MAPRE2: variants seen among roughly 807,000 people sequenced by gnomAD.
The protein encoded by MAPRE2 is microtubule associated protein RP/EB family member 2.
A neutral mutation model predicts 43.2 loss-of-function variants in MAPRE2; 13 were observed. That is an observed-to-expected ratio of 0.30 (90% CI 0.20 to 0.48). MAPRE2 has a LOEUF of 0.48. MAPRE2 is among the 20% of genes least tolerant of loss of function. The pLI is 0.99. For missense variants in MAPRE2, 161 were observed against 400.2 expected (o/e 0.40, Z 5.10); for synonymous variants, 135 against 148.8 (o/e 0.91, Z 0.68).
chr18:35,067,131 C>T (rs997478551), intron 1 of MAPRE2, among the ~76,000 whole-genome samples: 3 of 152,206 alleles, frequency 2.0e-5, no homozygotes, highest in African/African-American at 7.2e-5. Context: ...GTGAGGACTA[C>T]AGCTGTGTTG....
chr18:35,024,244 A>G (rs367720560), intron 2 of MAPRE2, among the ~76,000 whole-genome samples: 28 of 152,264 alleles, frequency 1.8e-4, no homozygotes, highest in African/African-American at 6.5e-4. Flanking sequence ...TGGGATTTTT[A>G]GCAACTTTCA....
At chr18:35,112,667 C>T (rs1909231893) in intron 4 of MAPRE2, among the ~76,000 whole-genome samples, 1 of 152,226 alleles carries the variant, frequency 6.6e-6, no homozygotes, top group Non-Finnish European at 1.5e-5. Flanking sequence ...AGATCCCCTA[C>T]TCCCTGGAAG....
chr18:34,985,338 A>ATATTATATATTTT (rs1413375108), intron 1 of MAPRE2, among the ~76,000 whole-genome samples: 10 of 27,054 alleles, frequency 3.7e-4, no homozygotes, highest in Admixed American at 8.7e-4. Context: ...TATAATATAT[A>ATATTATATATTTT]ATATATTATA....
intron 2 of MAPRE2, among the ~76,000 whole-genome samples, chr18:35,007,656 T>C (rs28541570): frequency 6.6e-6 from 1 of 152,178 alleles, no homozygotes; most frequent in Non-Finnish European, 1.5e-5. Context: ...ATGGGTTAAG[T>C]TGGTAGGAGA....
chr18:35,088,663 G>A (rs1280135816), intron 2 of MAPRE2, among the ~76,000 whole-genome samples: 1 of 152,154 alleles, frequency 6.6e-6, no homozygotes, highest in African/African-American at 2.4e-5. Flanking sequence ...ATTTGTGGCT[G>A]GGTAAGACTT....
intron 1 of MAPRE2, among the ~76,000 whole-genome samples, chr18:34,985,496 T>TAA (rs2097019964): frequency 2.1e-4 from 9 of 43,474 alleles, no homozygotes; most frequent in African/African-American, 8.5e-4. Context: ...TATTGTATAT[T>TAA]ATATAATATA....
At chr18:35,098,564 T>C (rs944015402) in intron 3 of MAPRE2, among the ~76,000 whole-genome samples, 1 of 152,212 alleles carries the variant, frequency 6.6e-6, no homozygotes, top group African/African-American at 2.4e-5. Context: ...AAAACATACA[T>C]TCTCTTTAAC....
chr18:34,991,081 T>C (rs1433612254), intron 1 of MAPRE2, among the ~76,000 whole-genome samples: 1 of 152,188 alleles, frequency 6.6e-6, no homozygotes, highest in African/African-American at 2.4e-5. Context: ...GTATATTGCA[T>C]GATGCTGAGG....
chr18:35,002,530 A>G (rs928514422), intron 1 of MAPRE2, among the ~76,000 whole-genome samples: 1 of 152,200 alleles, frequency 6.6e-6, no homozygotes, highest in Admixed American at 6.5e-5. Context: ...TCTCAGAAGC[A>G]ATATATGAGT....
intron 1 of MAPRE2, among the ~76,000 whole-genome samples, chr18:35,004,040 A>G (rs1479812598): frequency 6.6e-6 from 1 of 152,134 alleles, no homozygotes; most frequent in Non-Finnish European, 1.5e-5. Flanking sequence ...GCCCAAGTTT[A>G]TTAATTATTT....
At position 35,090,471 on chromosome 18, in the gene MAPRE2, C is replaced by T. The variant is rs577206886; in HGVS notation, c.251-6975C>T. Among the ~76,000 whole-genome samples, 7 of 152,212 alleles carry T rather than the reference C, an allele frequency of 4.6e-5. No individual in the cohort carries two copies. The South Asian group carries it at 1.0e-3, about 23-fold the overall frequency. ...TCAGGGCCGGGCATGGTGGCTCACG[C>T]GTGTAATCCCAGCACTTTGGGAGTC... On this transcript the variant is annotated intron_variant, in intron 2 of 6. Transcript: ENST00000300249.
intron 2 of MAPRE2, among the ~76,000 whole-genome samples, chr18:35,027,990 T>C (rs1394467347): frequency 6.6e-6 from 1 of 152,216 alleles, no homozygotes; most frequent in Admixed American, 6.5e-5. Context: ...GCTAGACTTC[T>C]CACAGGGCAG....
chr18:35,055,767 C>G (rs1906198097), intron 1 of MAPRE2, among the ~76,000 whole-genome samples: 1 of 151,960 alleles, frequency 6.6e-6, no homozygotes, highest in Non-Finnish European at 1.5e-5. Flanking sequence ...CCAGCCTGGC[C>G]AACATGGTGA....
chr18:34,989,536 C>A (rs2097022685), intron 1 of MAPRE2, among the ~76,000 whole-genome samples: 1 of 151,968 alleles, frequency 6.6e-6, no homozygotes, highest in Non-Finnish European at 1.5e-5. Context: ...ATAGTGAGAC[C>A]CTATGTTTAC....
At position 35,141,088 on chromosome 18, in the gene MAPRE2, T is replaced by C. The variant is rs913297722; in HGVS notation, c.*719T>C. 2 of 152,278 alleles carry C rather than the reference T, an allele frequency of 1.3e-5. No individual in the cohort carries two copies. The highest frequency in any genetic ancestry group is 4.8e-5 in the African/African-American group (2 of 41,450). The allele number at this position is 152,278 out of a possible 1,614,324, so 9.4% of individuals were successfully genotyped here. On this transcript the variant is annotated 3_prime_UTR_variant, in exon 7 of 7. Coordinates refer to ENST00000300249, the MANE Select transcript of MAPRE2 (RefSeq NM_014268.4). ...AAAACACCATCTCAACTTTGCCCGC[T>C]CACCATGTCCCTTGCCCCCATGTAG...
chr18:35,026,983 C>A (rs2097045576), intron 2 of MAPRE2, among the ~76,000 whole-genome samples: 1 of 152,200 alleles, frequency 6.6e-6, no homozygotes. Context: ...CTCTGAGGCT[C>A]ATAAACATTT....
intron 1 of MAPRE2, among the ~76,000 whole-genome samples, chr18:34,987,820 T>G (rs1478166664): frequency 6.6e-6 from 1 of 151,878 alleles, no homozygotes; most frequent in African/African-American, 2.4e-5. Context: ...TTTTTGTATT[T>G]TTTGTAGAGA....
intron 2 of MAPRE2, among the ~76,000 whole-genome samples, chr18:35,012,989 A>G (rs2097035737): frequency 6.6e-6 from 1 of 152,232 alleles, no homozygotes; most frequent in African/African-American, 2.4e-5. Context: ...GTATGCTATC[A>G]TGGAAGCCAA....
upstream of MAPRE2, chr18:35,041,286 G>A (rs1905340401): frequency 1.5e-6 from 2 of 1,379,302 alleles, no homozygotes; most frequent in Non-Finnish European, 1.9e-6. Context: ...GAATTGAGGC[G>A]AGGTGATGAG....
Sources: allele counts gnomAD v4.1 joint callset (sites outside exome capture counted in the v4.1 genomes callset), GRCh38; gene constraint gnomAD v4.1.1; transcripts MANE v1.5; gene names NCBI Gene and HGNC (gene_info 2026-07-23, HGNC 2026-07-21).